ARCN1: variants seen among roughly 807,000 people sequenced by gnomAD.
ARCN1 encodes the protein archain 1 coat protein complex I subunit delta.
ARCN1 carries 5 observed loss-of-function variants against 60.4 expected under a neutral mutation model. The observed-to-expected ratio is 0.08, with a 90% CI of 0.04 to 0.17. The LOEUF (loss-of-function observed/expected upper bound fraction) is 0.17. ARCN1 is among the 10% of genes least tolerant of loss of function. The pLI is 1.00. For synonymous variants in ARCN1, 224 were observed against 220.0 expected, an observed-to-expected ratio of 1.02 and a Z score of -0.16; for missense variants, 464 against 626.5, an observed-to-expected ratio of 0.74 and a Z score of 2.77.
At chr11:118,587,520 T>A (rs1439889827) in intron 5 of ARCN1, among the ~76,000 whole-genome samples, 1 of 152,198 alleles carries the variant, frequency 6.6e-6, no homozygotes, top group Non-Finnish European at 1.5e-5. Context: ...TACCTTACCC[T>A]AGACTGGATC....
chr11:118,577,923 A>C (rs1299697010), intron 1 of ARCN1, among the ~76,000 whole-genome samples: 1 of 152,150 alleles, frequency 6.6e-6, no homozygotes, highest in Non-Finnish European at 1.5e-5. Flanking sequence ...TTGGAGGCCA[A>C]GGCGCGCAGA....
At chr11:118,572,791 C>T in intron 1 of ARCN1, 3 of 469,498 alleles carry the variant, frequency 6.4e-6, no homozygotes, top group Middle Eastern at 5.6e-4. Flanking sequence ...CAGCTGGACT[C>T]CCTCGTTTGC....
At chr11:118,595,827 G>A (rs978362508) in intron 8 of ARCN1, among the ~76,000 whole-genome samples, 1 of 152,170 alleles carries the variant, frequency 6.6e-6, no homozygotes, top group Non-Finnish European at 1.5e-5. Flanking sequence ...CAGCACTTTG[G>A]GAGGCCGAGG....
At chr11:118,574,898 C>A (rs940654949) in intron 1 of ARCN1, among the ~76,000 whole-genome samples, 1 of 152,124 alleles carries the variant, frequency 6.6e-6, no homozygotes, top group Non-Finnish European at 1.5e-5. Flanking sequence ...TCCCAAGTAG[C>A]TGGGACTGTA....
intron 2 of ARCN1, 67 bp from the exon 3 acceptor site, chr11:118,583,112 A>T (rs1042426243): frequency 1.3e-6 from 2 of 1,536,570 alleles, no homozygotes; most frequent in Non-Finnish European, 9.0e-7. Flanking sequence ...ACTCTAAAGG[A>T]TAAGACTTGG....
At position 118,573,753 on chromosome 11, in the gene ARCN1, T is replaced by C. The variant is rs1555072919; in HGVS notation, c.3+1203T>C. ...ATGGGGGGAATTCATGCTTGGACTTTAGGCCACTGAACAGCTTTTCTCAGC... is the reference window on the plus strand; with the variant it reads ...ATGGGGGGAATTCATGCTTGGACTTCAGGCCACTGAACAGCTTTTCTCAGC... On this transcript the variant is annotated intron_variant, in intron 1 of 9. Transcript: ENST00000264028. 7.5e-6 allele frequency: 5 copies of C among 667,086 alleles called. No homozygotes were observed. The East Asian group carries it at 1.1e-4, about 15-fold the overall frequency. 41.3% of individuals were successfully genotyped at this position (667,086 alleles called of 1,614,324 possible). A position where few individuals can be genotyped will look rare whatever the true frequency, so the allele number is the denominator to read the frequency against.
At position 118,593,660 on chromosome 11, in the gene ARCN1, T is replaced by G. The variant is rs546784519; in HGVS notation, c.1203T>G (p.Asn401Lys). 1 of 1,613,454 alleles carries G rather than the reference T, an allele frequency of 6.2e-7. No homozygotes were observed. The highest frequency in any genetic ancestry group is 2.2e-5 in the East Asian group (1 of 44,870). ...VNIEYELQEDNLELNDVVITI... is the reference protein window; with the variant it reads ...VNIEYELQEDKLELNDVVITI... ...TAGAATATGAGCTACAAGAAGATAA[T>G]TTAGAACTGAATGATGTGGTTATCA... Residue 401 changes from asparagine (N) to lysine (K), a missense_variant, in exon 8 of 10, where the codon AAT becomes AAG. Asn to Lys is a moderately conservative substitution (Grantham distance 94). Transcript: ENST00000264028.
Position 118,597,848 on chromosome 11 carries a change from G to A in ARCN1, c.1383G>A (p.Gln461=). The A allele has an allele frequency of 6.2e-7, 1 of 1,614,172 alleles. No homozygotes were observed. Among genetic ancestry groups the A allele is most frequent in the Non-Finnish European group, 8.5e-7 (1 of 1,180,046 alleles). ...GCCTGGAGTTTAGCATTGCTGGGCA[G>A]CCCAATGACTTCTTCCCTGTTCAAG... is the stretch of plus-strand genomic sequence containing the variant. The part of the protein sequence containing the change: ...SGSLEFSIAG[Q]PNDFFPVQVS... The change falls in exon 9 of 10, where the codon CAG becomes CAA. Residue 461 remains glutamine (Q), a synonymous_variant. Coordinates refer to ENST00000264028, the MANE Select transcript of ARCN1 (RefSeq NM_001655.5).
chr11:118,598,935 A>G (rs1445196355), intron 9 of ARCN1, among the ~76,000 whole-genome samples: 2 of 147,310 alleles, frequency 1.4e-5, no homozygotes, highest in African/African-American at 2.5e-5. Context: ...CTGAGATTAC[A>G]TGCGCCTGCC....
At position 118,584,030 on chromosome 11, in the gene ARCN1, C is replaced by G. The variant is rs782263270; in HGVS notation, c.653+16C>G. The G allele has an allele frequency of 2.5e-6, 4 of 1,610,784 alleles. No individual in the cohort carries two copies. Among genetic ancestry groups the G allele is most frequent in the Admixed American group, 1.7e-5 (1 of 59,846 alleles). On this transcript the variant is annotated intron_variant, in intron 4 of 9. Transcript: ENST00000264028. ...CACCAGCCAGGTATAATCCAGTGTA[C>G]TTTAGAATACCAGGTGAAGGGTGTA...
At chr11:118,594,221 T>G (rs1555076794) in intron 8 of ARCN1, 1 of 152,914 alleles carries the variant, frequency 6.5e-6, no homozygotes, top group East Asian at 1.9e-4. Context: ...TGCCTCACCC[T>G]CCCGAGTAGC....
chr11:118,577,317 G>T lies in ARCN1; in HGVS notation c.4-3929G>T, dbSNP rs576887776. The stretch of plus-strand genomic sequence containing the variant: ...GCTGGAGTGAAGTGGTATGATCTTG[G>T]CTTACTGCAACTTCCGCCTCCCAGG... On this transcript the variant is annotated intron_variant, in intron 1 of 9. Coordinates refer to ENST00000264028, the MANE Select transcript of ARCN1 (RefSeq NM_001655.5). Among the ~76,000 whole-genome samples the T allele has an allele frequency of 6.6e-5, 10 of 151,844 alleles. No homozygotes were observed. The East Asian group carries it at 1.9e-3, about 29-fold the overall frequency.
intron 1 of ARCN1, among the ~76,000 whole-genome samples, chr11:118,573,317 C>CA (rs1938398863): frequency 6.6e-6 from 1 of 152,132 alleles, no homozygotes; most frequent in South Asian, 2.1e-4. Flanking sequence ...TCAGATGTCT[C>CA]ACAGGAGGTG....
intron 8 of ARCN1, 105 bp downstream of exon 8, chr11:118,593,803 C>T: frequency 1.6e-6 from 1 of 624,622 alleles, no homozygotes. Context: ...TTCAAAGATA[C>T]TTCTTTAAAA....
chr11:118,574,548 T>TA lies in ARCN1; in HGVS notation c.3+2007dup, dbSNP rs879970834. On this transcript the variant is annotated intron_variant, in intron 1 of 9. Coordinates refer to ENST00000264028, the MANE Select transcript of ARCN1 (RefSeq NM_001655.5). ...ATCATCCATCCATCCCTCTCTCCATTAAAAAAAAATATACATTTCAAAGTA... is the reference window on the plus strand; with the variant it reads ...ATCATCCATCCATCCCTCTCTCCATTAAAAAAAAAATATACATTTCAAAGTA... 2.2e-3 allele frequency among the ~76,000 whole-genome samples: 336 copies of TA among 150,604 alleles called. 3 individuals carry two copies. Among genetic ancestry groups the TA allele is most frequent in the East Asian group, 0.011 (57 of 5,166 alleles).
intron 8 of ARCN1, among the ~76,000 whole-genome samples, chr11:118,596,281 C>G (rs1939023962): frequency 6.6e-6 from 1 of 152,044 alleles, no homozygotes; most frequent in Non-Finnish European, 1.5e-5. Context: ...TGTTGTAGGA[C>G]TTGGGTGTTG....
At chr11:118,583,506 C>A in intron 3 of ARCN1, 148 bp downstream of exon 3, 1 of 1,040,992 alleles carries the variant, frequency 9.6e-7, no homozygotes, top group Non-Finnish European at 1.3e-6. Context: ...GTAATCTCAG[C>A]ACTTTGGGAG....
At position 118,597,924 on chromosome 11, in the gene ARCN1, A is replaced by T; in HGVS notation, c.1446+13A>T. On this transcript the variant is annotated intron_variant, in intron 9 of 9. Transcript: ENST00000264028. ...CTGTAACATACAGGTACTCCATTTT[A>T]GTTGAGAACATATATAGGGAAAGTG... 1 of 1,613,672 alleles carries T rather than the reference A, an allele frequency of 6.2e-7. No individual in the cohort carries two copies. The highest frequency in any genetic ancestry group is 1.3e-5 in the African/African-American group (1 of 75,016).
chr11:118,598,231 A>T (rs1555077505), intron 9 of ARCN1, among the ~76,000 whole-genome samples: 1 of 152,002 alleles, frequency 6.6e-6, no homozygotes. Flanking sequence ...TTTAAAGTCG[A>T]TTTGCCAAAA....
Sources: allele counts gnomAD v4.1 joint callset (sites outside exome capture counted in the v4.1 genomes callset), GRCh38; gene constraint gnomAD v4.1.1; transcripts MANE v1.5; gene names NCBI Gene and HGNC (gene_info 2026-07-23, HGNC 2026-07-21).